The following SOCS2 variants were observed in gnomAD, a reference collection of about 807,000 sequenced individuals.
The protein encoded by SOCS2 is CIS-2.
SOCS2 carries 10 observed loss-of-function variants against 18.6 expected under a neutral mutation model. The observed-to-expected ratio is 0.54, with a 90% CI of 0.33 to 0.91. The LOEUF (loss-of-function observed/expected upper bound fraction) is 0.91, where lower values mean the gene tolerates loss of function less well. Among genes scored for constraint, SOCS2 ranks in the 40% least tolerant of loss-of-function variants. The pLI is 0.02. For synonymous variants in SOCS2, 104 were observed against 104.0 expected (o/e 1.00, Z 0.00); for missense variants, 231 against 247.2 (o/e 0.93, Z 0.44).
the SOCS2 span, among the ~76,000 whole-genome samples, chr12:93,588,694 G>A: frequency 6.6e-6 from 1 of 151,198 alleles, no homozygotes; most frequent in Non-Finnish European, 1.5e-5. Context: ...TTGGCTCACT[G>A]CAATCTCCAC....
chr12:93,602,111 A>G, the SOCS2 span, among the ~76,000 whole-genome samples: 2 of 152,096 alleles, frequency 1.3e-5, no homozygotes, highest in African/African-American at 4.8e-5. Flanking sequence ...TGTTTTTTTA[A>G]ATACAAGGGC....
downstream of SOCS2, among the ~76,000 whole-genome samples, chr12:93,587,540 G>A (rs962439092): frequency 2.0e-5 from 3 of 152,038 alleles, no homozygotes; most frequent in Non-Finnish European, 4.4e-5. Context: ...AAGTAGCCGG[G>A]CGTGGTGGCA....
the SOCS2 span, among the ~76,000 whole-genome samples, chr12:93,598,009 A>C: frequency 3.9e-5 from 6 of 152,226 alleles, no homozygotes; most frequent in Non-Finnish European, 7.3e-5. Context: ...GTAGTGAACA[A>C]GGCAAATCTT....
the SOCS2 span, among the ~76,000 whole-genome samples, chr12:93,609,664 C>G: frequency 1.3e-5 from 2 of 151,958 alleles, no homozygotes. Context: ...AACACTTGAG[C>G]TGTAAAGGAT....
chr12:93,610,033 G>C, the SOCS2 span, among the ~76,000 whole-genome samples: 1 of 152,168 alleles, frequency 6.6e-6, no homozygotes. Flanking sequence ...CAAGAGAGCA[G>C]AGCCCTCATG....
chr12:93,614,635 T>TTTCTCTCTTTGTTTCTTTC, the SOCS2 span, among the ~76,000 whole-genome samples: 1 of 111,590 alleles, frequency 9.0e-6, no homozygotes, highest in African/African-American at 4.1e-5. Context: ...TTCTTTCTTT[T>TTTCTCTCTTTGTTTCTTTC]GATGGAGTCT....
the SOCS2 span, among the ~76,000 whole-genome samples, chr12:93,614,452 TTCC>T: frequency 1.2e-5 from 1 of 82,678 alleles, no homozygotes; most frequent in Non-Finnish European, 2.2e-5. Flanking sequence ...CCTTCCTTCC[TTCC>T]TTCCTTCCTT....
At chr12:93,592,685 C>G in the SOCS2 span, among the ~76,000 whole-genome samples, 3 of 152,158 alleles carry the variant, frequency 2.0e-5, no homozygotes, top group Non-Finnish European at 2.9e-5. Flanking sequence ...TTTTAAACAG[C>G]ATATTTTCCA....
At chr12:93,615,551 T>C in the SOCS2 span, among the ~76,000 whole-genome samples, 1 of 152,236 alleles carries the variant, frequency 6.6e-6, no homozygotes, top group African/African-American at 2.4e-5. Flanking sequence ...GAAAACAGCA[T>C]ATAATTTACA....
chr12:93,614,875 A>G, the SOCS2 span, among the ~76,000 whole-genome samples: 3 of 151,156 alleles, frequency 2.0e-5, no homozygotes. Flanking sequence ...CGGCCTCCCA[A>G]AGTGTTGGGA....
At chr12:93,626,044 G>A in the SOCS2 span, among the ~76,000 whole-genome samples, 3 of 152,102 alleles carry the variant, frequency 2.0e-5, no homozygotes, top group Non-Finnish European at 4.4e-5. Flanking sequence ...TGGACACCAC[G>A]GCAAATCCTC....
the SOCS2 span, among the ~76,000 whole-genome samples, chr12:93,620,102 T>C: frequency 6.6e-6 from 1 of 152,232 alleles, no homozygotes; most frequent in Non-Finnish European, 1.5e-5. Context: ...AAATATTTGC[T>C]GGTTTACTTA....
At chr12:93,586,342 G>A (rs996033776), downstream of SOCS2, among the ~76,000 whole-genome samples, 1 of 152,114 alleles carries the variant, frequency 6.6e-6, no homozygotes, top group African/African-American at 2.4e-5. Context: ...ATATTAAATG[G>A]TATTATTTTC....
chr12:93,577,419 A>G (rs1156512135), downstream of SOCS2, among the ~76,000 whole-genome samples: 3 of 151,958 alleles, frequency 2.0e-5, no homozygotes, highest in Non-Finnish European at 4.4e-5. Flanking sequence ...GTATTATCTC[A>G]TTTAATTTTC....
chr12:93,624,222 A>C, the SOCS2 span, among the ~76,000 whole-genome samples: 1 of 152,220 alleles, frequency 6.6e-6, no homozygotes, highest in Non-Finnish European at 1.5e-5. Context: ...GGCCCTCACC[A>C]GACACGAAAC....
At chr12:93,624,285 A>G in the SOCS2 span, among the ~76,000 whole-genome samples, 1 of 151,858 alleles carries the variant, frequency 6.6e-6, no homozygotes. Flanking sequence ...TGAAAAATAC[A>G]TTTCTGGCCA....
chr12:93,607,213 A>G, the SOCS2 span, among the ~76,000 whole-genome samples: 3 of 152,202 alleles, frequency 2.0e-5, no homozygotes, highest in Admixed American at 1.3e-4. Flanking sequence ...TATCTCCTAC[A>G]TATTAATAAA....
chr12:93,611,575 C>A, the SOCS2 span, among the ~76,000 whole-genome samples: 1 of 152,146 alleles, frequency 6.6e-6, no homozygotes, highest in African/African-American at 2.4e-5. Flanking sequence ...ATTATTTCAA[C>A]AAATTTCACA....
chr12:93,584,432 A>G (rs934219299), downstream of SOCS2, among the ~76,000 whole-genome samples: 1 of 152,162 alleles, frequency 6.6e-6, no homozygotes, highest in Non-Finnish European at 1.5e-5. Flanking sequence ...TTTTTATTTA[A>G]CAGGAGGGAA....
Sources: allele counts gnomAD v4.1 joint callset (sites outside exome capture counted in the v4.1 genomes callset), GRCh38; gene constraint gnomAD v4.1.1; transcripts MANE v1.5; gene names NCBI Gene and HGNC (gene_info 2026-07-23, HGNC 2026-07-21).